SERPINB5: variants seen among roughly 807,000 people sequenced by gnomAD.
The protein encoded by SERPINB5 is serpin B5.
SERPINB5 carries 27 observed loss-of-function variants against 32.2 expected under a neutral mutation model. The observed-to-expected ratio is 0.84, with a 90% confidence interval of 0.62 to 1.16. The LOEUF is 1.16. Ranked by LOEUF, SERPINB5 falls within the 50% of genes most tolerant of loss-of-function variation. The pLI is 0.00. For missense variants in SERPINB5, 388 were observed against 436.3 expected (o/e 0.89, Z 0.99); for synonymous variants, 154 against 157.4 (o/e 0.98, Z 0.16).
chr18:63,484,648 C>A, intron 2 of SERPINB5, 52 bp downstream of exon 2: 1 of 1,528,718 alleles, frequency 6.5e-7, no homozygotes, highest in Non-Finnish European at 8.8e-7. Context: ...GTTATTAGAA[C>A]CCATAGGCAG....
intron 2 of SERPINB5, chr18:63,486,049 A>C (rs1917208595): frequency 6.6e-6 from 1 of 152,186 alleles, no homozygotes; most frequent in African/African-American, 2.4e-5. Flanking sequence ...AAGCCCTCCA[A>C]ATGATAGTAT....
chr18:63,484,731 C>G, intron 2 of SERPINB5, 135 bp downstream of exon 2: 1 of 238,926 alleles, frequency 4.2e-6, no homozygotes, highest in Non-Finnish European at 8.1e-6. Flanking sequence ...CATTCCAGGA[C>G]TCTCTTAATC....
chr18:63,492,485 G>A (rs929758013), intron 4 of SERPINB5, among the ~76,000 whole-genome samples: 1 of 152,222 alleles, frequency 6.6e-6, no homozygotes, highest in African/African-American at 2.4e-5. Context: ...CATAAAGAAA[G>A]TGATTACGTA....
chr18:63,493,069 A>G lies in SERPINB5; in HGVS notation c.541A>G (p.Lys181Glu). The change falls in exon 5 of 7, where the codon AAA becomes GAA. Residue 181 changes from lysine (K) to glutamate (E), a missense_variant. Lys to Glu is a moderately conservative substitution (Grantham distance 56). Coordinates refer to ENST00000382771, the MANE Select transcript of SERPINB5 (RefSeq NM_002639.5). ...GAAGAAATTTTCTGAATCAGAAACA[A>G]AAGAATGTCCTTTCAGAGTCAACAA... ...WMKKFSESET[K>E]ECPFRVNKTD... The G allele has an allele frequency of 1.2e-6, 2 of 1,614,218 alleles. No homozygotes were observed. Among genetic ancestry groups the G allele is most frequent in the Non-Finnish European group, 1.7e-6 (2 of 1,180,048 alleles).
intron 4 of SERPINB5, among the ~76,000 whole-genome samples, chr18:63,490,991 C>T (rs1178116302): frequency 6.6e-6 from 1 of 152,212 alleles, no homozygotes; most frequent in East Asian, 1.9e-4. Flanking sequence ...ACTCTTCCCC[C>T]ACCCCACAAA....
rs751870333 is a variant in SERPINB5 at position 63,504,793 on chromosome 18, T to C, written c.*1071T>C. 6.6e-6 allele frequency: 1 copy of C among 152,204 alleles called. No homozygotes were observed. The highest frequency in any genetic ancestry group is 1.5e-5 in the Non-Finnish European group (1 of 68,028). 9.4% of individuals were successfully genotyped at this position (152,204 alleles called of 1,614,324 possible). On this transcript the variant is annotated 3_prime_UTR_variant, in exon 7 of 7. Coordinates refer to ENST00000382771, the MANE Select transcript of SERPINB5 (RefSeq NM_002639.5). ...CCTTTAGAAAATATAAGTAAAGTGATTAAAGTGCTCACGTTACCTTGACAC... is the reference window on the plus strand; with the variant it reads ...CCTTTAGAAAATATAAGTAAAGTGACTAAAGTGCTCACGTTACCTTGACAC...
intron 1 of SERPINB5, among the ~76,000 whole-genome samples, chr18:63,478,898 G>T (rs949015565): frequency 6.6e-6 from 1 of 151,858 alleles, no homozygotes; most frequent in Non-Finnish European, 1.5e-5. Flanking sequence ...TAGCTGGGAT[G>T]ACAGGCACGT....
At chr18:63,477,590 GC>G (rs1231964031) in intron 1 of SERPINB5, among the ~76,000 whole-genome samples, 3 of 152,114 alleles carry the variant, frequency 2.0e-5, no homozygotes, top group African/African-American at 7.2e-5. Context: ...TCATCTACTT[GC>G]AACTGCATTC....
At position 63,489,411 on chromosome 18, in the gene SERPINB5, A is replaced by T; in HGVS notation, c.371A>T (p.Lys124Ile). Residue 124 changes from lysine to isoleucine, a missense_variant, in exon 4 of 7, where the codon AAA becomes ATA. Physicochemically the swap from Lys to Ile is moderately radical, Grantham distance 102. Transcript: ENST00000382771. ...KELETVDFKD[K>I]LEETKGQINN... ...TTGGAAACTGTTGACTTCAAAGATAAATTGGAAGAAACGAAAGGTCAGATC... is the reference window on the plus strand; with the variant it reads ...TTGGAAACTGTTGACTTCAAAGATATATTGGAAGAAACGAAAGGTCAGATC... 1 of 1,613,530 alleles carries T rather than the reference A, an allele frequency of 6.2e-7. No individual in the cohort carries two copies. The highest frequency in any genetic ancestry group is 1.7e-5 in the Admixed American group (1 of 59,908).
At chr18:63,501,228 G>A (rs752786555) in intron 6 of SERPINB5, among the ~76,000 whole-genome samples, 4 of 137,688 alleles carry the variant, frequency 2.9e-5, no homozygotes, top group Middle Eastern at 4.3e-3. Context: ...GGTGTGTGGT[G>A]TTCCCCTTCC....
chr18:63,484,297 G>T (rs1464995066), intron 1 of SERPINB5, 125 bp from the exon 2 acceptor site: 2 of 984,850 alleles, frequency 2.0e-6, no homozygotes, highest in Non-Finnish European at 2.9e-6. Context: ...TTTACAGAAA[G>T]TTCCTTGTTT....
chr18:63,487,154 A>G, intron 3 of SERPINB5, 71 bp downstream of exon 3: 2 of 1,482,036 alleles, frequency 1.3e-6, no homozygotes, highest in African/African-American at 1.4e-5. Context: ...TGTTAGACCT[A>G]CAACTTTTTT....
intron 3 of SERPINB5, among the ~76,000 whole-genome samples, chr18:63,487,952 A>T (rs1342139404): frequency 6.6e-6 from 1 of 152,096 alleles, no homozygotes; most frequent in Non-Finnish European, 1.5e-5. Flanking sequence ...TATTGTGAGT[A>T]TATTTTTTGT....
chr18:63,478,921 G>A (rs374153789), intron 1 of SERPINB5, among the ~76,000 whole-genome samples: 2 of 152,026 alleles, frequency 1.3e-5, no homozygotes, highest in Non-Finnish European at 2.9e-5. Context: ...CACCACGCCC[G>A]GCTAATTTCT....
At chr18:63,486,814 G>A in intron 2 of SERPINB5, 132 bp from the exon 3 acceptor site, 5 of 860,934 alleles carry the variant, frequency 5.8e-6, no homozygotes, top group Non-Finnish European at 9.2e-6. Context: ...TGAGGTTGAG[G>A]AGCCTTACTT....
intron 1 of SERPINB5, among the ~76,000 whole-genome samples, chr18:63,477,879 A>G (rs1917060510): frequency 6.6e-6 from 1 of 152,224 alleles, no homozygotes; most frequent in Non-Finnish European, 1.5e-5. Context: ...GATGAGGAGC[A>G]GAACTCACAG....
chr18:63,489,011 C>G (rs530453352), intron 3 of SERPINB5, among the ~76,000 whole-genome samples: 14 of 152,062 alleles, frequency 9.2e-5, no homozygotes, highest in South Asian at 2.1e-4. Context: ...TTCCTATATT[C>G]TAATATATAT....
At position 63,491,404 on chromosome 18, in the gene SERPINB5, CAAAAA is replaced by C. The variant is rs1555670766; in HGVS notation, c.425-1529_425-1525del. On this transcript the variant is annotated intron_variant, in intron 4 of 6. Transcript: ENST00000382771. ...GTGAGAAGAGAGAAACTGCGTCTCC[CAAAAA>C]AAAAAAAAAAAAAAAAAAAGAATAA... Among the ~76,000 whole-genome samples, 727 of 81,450 alleles carry C rather than the reference CAAAAA, an allele frequency of 8.9e-3. 10 individuals carry two copies. The highest frequency in any genetic ancestry group is 0.015 in the Admixed American group (91 of 6,162). 53.4% of individuals were successfully genotyped at this position (81,450 alleles called of 152,430 possible).
At position 63,504,534 on chromosome 18, in the gene SERPINB5, T is replaced by C. The variant is rs1458872959; in HGVS notation, c.*812T>C. On this transcript the variant is annotated 3_prime_UTR_variant, in exon 7 of 7. Coordinates refer to ENST00000382771, the MANE Select transcript of SERPINB5 (RefSeq NM_002639.5). ...TTGTGGAATGTTGGATAAGGAATTA[T>C]AGACCTCTAGTAGCTGAAATGCAAG... 6.6e-6 allele frequency: 1 copy of C among 152,220 alleles called. No homozygotes were observed. The highest frequency in any genetic ancestry group is 1.5e-5 in the Non-Finnish European group (1 of 68,036). 9.4% of individuals were successfully genotyped at this position (152,220 alleles called of 1,614,324 possible). A position where few individuals can be genotyped will look rare whatever the true frequency, so the allele number is the denominator to read the frequency against.
Sources: allele counts gnomAD v4.1 joint callset (sites outside exome capture counted in the v4.1 genomes callset), GRCh38; gene constraint gnomAD v4.1.1; transcripts MANE v1.5; gene names NCBI Gene and HGNC (gene_info 2026-07-23, HGNC 2026-07-21).